Variants in SIN3A observed in about 807,000 individuals in gnomAD.
SIN3A encodes SIN3 transcription regulator family member A, also known as paired amphipathic helix protein Sin3a.
In SIN3A, 14 loss-of-function variants were observed where a neutral mutation model predicts 146.1. The observed-to-expected ratio is 0.10, with a 90% CI of 0.06 to 0.15. The LOEUF is 0.15. Among genes scored for constraint, SIN3A ranks in the 10% least tolerant of loss-of-function variants. SIN3A has a pLI of 1.00. For missense variants in SIN3A, 1,028 were observed against 1,576.0 expected (o/e 0.65, Z 5.89); for synonymous variants, 572 against 572.0 (o/e 1.00, Z 0.00).
At chr15:75,431,650 T>TAAA (rs56930699) in intron 1 of SIN3A, among the ~76,000 whole-genome samples, 1 of 148,048 alleles carries the variant, frequency 6.8e-6, no homozygotes, top group African/African-American at 2.5e-5. Context: ...ACGGTTAAGT[T>TAAA]AAAAAAAAAA....
At position 75,411,718 on chromosome 15, in the gene SIN3A, G is replaced by T; in HGVS notation, c.782C>A (p.Pro261Gln). 1 of 1,606,298 alleles carries T rather than the reference G, an allele frequency of 6.2e-7. No individual in the cohort carries two copies. The highest frequency in any genetic ancestry group is 1.3e-5 in the African/African-American group (1 of 74,848). ...SKPSQLQAHT[P>Q]ASQQTPPLPP... ...AAGTGGGGGAGTCTGCTGACTGGCCGGAGTATGTGCTTGCAGTTGGGAGGG... is the reference window on the plus strand; with the variant it reads ...AAGTGGGGGAGTCTGCTGACTGGCCTGAGTATGTGCTTGCAGTTGGGAGGG... Residue 261 changes from proline (P) to glutamine (Q), a missense_variant, in exon 6 of 21, where the codon CCG becomes CAG. Transcript: ENST00000394947.
chr15:75,420,697 T>C (rs574025001), intron 3 of SIN3A: 5 of 152,362 alleles, frequency 3.3e-5, no homozygotes, highest in Non-Finnish European at 1.5e-5. Flanking sequence ...TACATTATTA[T>C]AGAATATAAA....
At chr15:75,427,989 AAATAAATAAATG>A (rs1363545358) in intron 2 of SIN3A, among the ~76,000 whole-genome samples, 2 of 152,008 alleles carry the variant, frequency 1.3e-5, no homozygotes, top group African/African-American at 4.8e-5. Flanking sequence ...ATAAATAAAT[AAATAAATAAATG>A]AATAAAATAA....
intron 8 of SIN3A, among the ~76,000 whole-genome samples, chr15:75,408,476 T>G (rs1437633101): frequency 6.6e-6 from 1 of 152,238 alleles, no homozygotes; most frequent in Non-Finnish European, 1.5e-5. Flanking sequence ...TTTGTCATTA[T>G]TTAATTCTGC....
intron 3 of SIN3A, among the ~76,000 whole-genome samples, chr15:75,416,797 C>G (rs1378484965): frequency 6.6e-6 from 1 of 152,224 alleles, no homozygotes; most frequent in East Asian, 1.9e-4. Context: ...ACCAATATGT[C>G]AGGCAGTCAA....
chr15:75,385,798 C>T (rs1436519417), intron 16 of SIN3A, among the ~76,000 whole-genome samples: 6 of 152,120 alleles, frequency 3.9e-5, no homozygotes, highest in African/African-American at 7.2e-5. Context: ...AAGGTCAGAA[C>T]GGTGACTGAG....
chr15:75,439,204 CAGAT>C (rs1253746495), intron 1 of SIN3A, among the ~76,000 whole-genome samples: 3 of 152,164 alleles, frequency 2.0e-5, no homozygotes, highest in Admixed American at 2.0e-4. Flanking sequence ...TGATATCTCA[CAGAT>C]AGAGTAAAAG....
intron 8 of SIN3A, among the ~76,000 whole-genome samples, chr15:75,409,635 G>A (rs893605592): frequency 6.6e-6 from 1 of 151,880 alleles, no homozygotes; most frequent in Non-Finnish European, 1.5e-5. Flanking sequence ...GGCGAGACAG[G>A]AGAATCGCTT....
At chr15:75,452,154 TCCGCCTACCGCACTGCCGGGCCAGGCC>T (rs1224861233), upstream of SIN3A, among the ~76,000 whole-genome samples, 2 of 152,140 alleles carry the variant, frequency 1.3e-5, no homozygotes, top group African/African-American at 4.8e-5. Flanking sequence ...TGAAACAGGC[TCCGCCTACCGCACTGCCGGGCCAGGCC>T]CCGCCCCAAG....
At chr15:75,407,615 G>A (rs2073538532) in intron 8 of SIN3A, among the ~76,000 whole-genome samples, 1 of 151,972 alleles carries the variant, frequency 6.6e-6, no homozygotes, top group African/African-American at 2.4e-5. Flanking sequence ...ATAATTTGCT[G>A]GGCATGGTGA....
chr15:75,396,402 T>C lies in SIN3A; in HGVS notation c.1949A>G (p.Lys650Arg), dbSNP rs749126622. The part of the protein sequence containing the change: ...LSRLSAEEQA[K>R]FRLDNTLGGT... ...CCCAAGGGTGTTGTCCAAGCGAAAT[T>C]TGGCTTGTTCTTCAGCAGACAAGCG... The change falls in exon 13 of 21, where the codon AAA (lysine) becomes AGA (arginine). Residue 650 changes from lysine to arginine, a missense_variant. By Grantham distance (26) the Lys-to-Arg change is conservative (BLOSUM62 2). Around this residue, in one of 9 missense-constraint regions of SIN3A, gnomAD observed 157 missense variants for 284.8 expected, o/e 0.55. Transcript: ENST00000394947. 9.3e-6 allele frequency: 15 copies of C among 1,614,172 alleles called. No individual in the cohort carries two copies. The South Asian group carries it at 1.4e-4, about 15-fold the overall frequency.
Position 75,438,616 on chromosome 15 carries a change from G to A in SIN3A, c.-33-8208C>T, listed in dbSNP as rs1440607065. Among the ~76,000 whole-genome samples the A allele has an allele frequency of 5.9e-5, 9 of 152,140 alleles. 1 individual carries two copies. The highest frequency in any genetic ancestry group is 5.9e-4 in the Admixed American group (9 of 15,256). ...AGGTGGGAGGATCATTTGAGCCTGG[G>A]AGGTTGAGGCTACAGTGAGCTGTGA... On this transcript the variant is annotated intron_variant, in intron 1 of 20. Transcript: ENST00000394947.
At chr15:75,436,792 T>C (rs915693382) in intron 1 of SIN3A, among the ~76,000 whole-genome samples, 2 of 150,792 alleles carry the variant, frequency 1.3e-5, no homozygotes, top group Non-Finnish European at 3.0e-5. Flanking sequence ...AAGCCAACAA[T>C]ACAAACCAGC....
chr15:75,422,433 A>G (rs184869703), intron 3 of SIN3A: 11 of 624,480 alleles, frequency 1.8e-5, no homozygotes, highest in Middle Eastern at 2.7e-4. Context: ...GCATTCATAC[A>G]GTCCACAAAC....
chr15:75,411,458 C>G (rs2073637538), intron 6 of SIN3A, 34 bp downstream of exon 6: 7 of 1,585,832 alleles, frequency 4.4e-6, no homozygotes, highest in Non-Finnish European at 6.0e-6. Flanking sequence ...AAGAGGGTGA[C>G]CTGGTTAAGA....
intron 19 of SIN3A, among the ~76,000 whole-genome samples, chr15:75,378,294 G>A (rs2072902903): frequency 6.6e-6 from 1 of 152,232 alleles, no homozygotes; most frequent in African/African-American, 2.4e-5. Context: ...GCCGGGTGCA[G>A]TGGCTCACAC....
At chr15:75,421,354 G>A (rs949438631) in intron 3 of SIN3A, 1 of 152,192 alleles carries the variant, frequency 6.6e-6, no homozygotes, top group Non-Finnish European at 1.5e-5. Flanking sequence ...AGAATCCAGA[G>A]TGAAGCTTCA....
chr15:75,442,433 A>G (rs1345970370), intron 1 of SIN3A, among the ~76,000 whole-genome samples: 1 of 150,258 alleles, frequency 6.7e-6, no homozygotes, highest in African/African-American at 2.4e-5. Flanking sequence ...TCAGCCTCCC[A>G]AGAAGGTGGG....
chr15:75,432,891 A>C (rs2074037149), intron 1 of SIN3A, among the ~76,000 whole-genome samples: 1 of 151,910 alleles, frequency 6.6e-6, no homozygotes, highest in Admixed American at 6.6e-5. Context: ...AAAAATACAA[A>C]ATTAGCTGGG....
Sources: gnomAD v4.1 joint callset for allele counts (sites outside exome capture counted in the v4.1 genomes callset) on GRCh38, gnomAD v4.1.1 for gene constraint, gnomAD v4.1.1 regional missense constraint, MANE v1.5 for transcripts, NCBI Gene and HGNC (gene_info 2026-07-23, HGNC 2026-07-21) for gene names.